TCF7L2: variants seen among roughly 807,000 people sequenced by gnomAD.
TCF7L2 encodes transcription factor 7-like 2.
In TCF7L2, 23 loss-of-function variants were observed where a neutral mutation model predicts 77.9. That is an observed-to-expected ratio of 0.30 (90% confidence interval 0.21 to 0.42). The LOEUF (loss-of-function observed/expected upper bound fraction) is 0.42, where lower values mean the gene tolerates loss of function less well. TCF7L2 is among the 10% of genes least tolerant of loss of function. The probability of loss-of-function intolerance (pLI) is 1.00; values close to 1 mark genes in which losing one functional copy is unlikely to be tolerated. For synonymous variants in TCF7L2, 413 were observed against 340.2 expected (o/e 1.21, Z -2.36); for missense variants, 654 against 793.1 (o/e 0.82, Z 2.11).
intron 4 of TCF7L2, among the ~76,000 whole-genome samples, chr10:113,026,604 C>T (rs1018215652): frequency 1.3e-5 from 2 of 152,236 alleles, no homozygotes; most frequent in Non-Finnish European, 2.9e-5. Context: ...AGTTCTTATC[C>T]TCTGCTACCA....
At chr10:112,989,392 C>CT (rs2042124654) in intron 4 of TCF7L2, among the ~76,000 whole-genome samples, 3 of 151,490 alleles carry the variant, frequency 2.0e-5, no homozygotes, top group Middle Eastern at 3.4e-3. Context: ...AGCCAAAACA[C>CT]TTTATAAAGT....
chr10:113,129,060 T>G (rs1230181256), intron 5 of TCF7L2: 2 of 153,100 alleles, frequency 1.3e-5, no homozygotes, highest in African/African-American at 4.8e-5. Flanking sequence ...GGAAGCTTCG[T>G]TTCTTCTGCT....
intron 12 of TCF7L2, 106 bp downstream of exon 14, chr10:113,160,098 G>C (rs2072891431): frequency 3.1e-6 from 3 of 972,160 alleles, no homozygotes; most frequent in Non-Finnish European, 4.7e-6. Flanking sequence ...TGGATCTCAG[G>C]AGACACAGGG....
In TCF7L2 at chr10:113,033,183, C is replaced by T. The variant is rs142444200; in HGVS notation, c.451-6842C>T. Among the ~76,000 whole-genome samples the T allele has an allele frequency of 2.5e-3, 372 of 151,448 alleles. 4 individuals carry two copies. Among genetic ancestry groups the T allele is most frequent in the African/African-American group, 8.2e-3 (339 of 41,236 alleles). On this transcript the variant is annotated intron_variant, in intron 4 of 13. Transcript: ENST00000627217. The stretch of plus-strand genomic sequence containing the variant: ...TTTTTTTCTTTTCCCTCCCTCCCTC[C>T]TTTCCTCCTCCTCCTTCCCTTCCTC...
chr10:112,992,362 T>G (rs776114726), intron 4 of TCF7L2, among the ~76,000 whole-genome samples: 41 of 152,118 alleles, frequency 2.7e-4, no homozygotes, highest in Non-Finnish European at 1.2e-4. Context: ...CTGGGAGGGA[T>G]GCATGCCCTC....
chr10:113,136,001 T>A (rs2067332787), intron 5 of TCF7L2, among the ~76,000 whole-genome samples: 1 of 152,076 alleles, frequency 6.6e-6, no homozygotes, highest in African/African-American at 2.4e-5. Context: ...CCCATCCCAG[T>A]AATGCCAGTT....
chr10:113,106,003 G>GT (rs1350906431), intron 5 of TCF7L2, among the ~76,000 whole-genome samples: 6 of 152,326 alleles, frequency 3.9e-5, no homozygotes, highest in African/African-American at 1.4e-4. Flanking sequence ...GAGATAGTAA[G>GT]AAGATAGCAG....
At chr10:113,058,195 G>A (rs1191494022) in intron 5 of TCF7L2, among the ~76,000 whole-genome samples, 1 of 152,176 alleles carries the variant, frequency 6.6e-6, no homozygotes, top group Non-Finnish European at 1.5e-5. Flanking sequence ...ACTTGTGACT[G>A]CCCAACAGGG....
chr10:113,035,874 C>T (rs911624826), intron 4 of TCF7L2, among the ~76,000 whole-genome samples: 11 of 152,086 alleles, frequency 7.2e-5, no homozygotes, highest in African/African-American at 2.4e-4. Flanking sequence ...ATGGCTGAGT[C>T]GAGTAGTTAT....
intron 4 of TCF7L2, among the ~76,000 whole-genome samples, chr10:112,968,822 G>A (rs1589804160): frequency 1.3e-5 from 2 of 152,088 alleles, no homozygotes; most frequent in East Asian, 1.9e-4. Context: ...CTCGTGATCC[G>A]GCCATTTGGC....
intron 5 of TCF7L2, chr10:113,129,310 C>T: frequency 1.0e-6 from 1 of 986,174 alleles, no homozygotes; most frequent in Non-Finnish European, 1.2e-6. Flanking sequence ...TGATCATTTT[C>T]CCTCATGGCT....
chr10:113,026,410 C>T (rs544816273), intron 4 of TCF7L2, among the ~76,000 whole-genome samples: 3 of 152,068 alleles, frequency 2.0e-5, no homozygotes, highest in East Asian at 1.9e-4. Context: ...CTGCCTGCCT[C>T]GGCCTCCCAA....
intron 4 of TCF7L2, among the ~76,000 whole-genome samples, chr10:113,027,488 TTC>T (rs939483167): frequency 6.6e-6 from 1 of 152,184 alleles, no homozygotes; most frequent in African/African-American, 2.4e-5. Context: ...ATATCCATTG[TTC>T]TCTTCTCTGC....
chr10:113,117,723 T>G (rs1383371032), intron 5 of TCF7L2, among the ~76,000 whole-genome samples: 2 of 152,062 alleles, frequency 1.3e-5, no homozygotes, highest in Non-Finnish European at 2.9e-5. Flanking sequence ...TGTTTAGACA[T>G]TTTTTGTCTT....
At chr10:112,985,489 G>C (rs2041311256) in intron 4 of TCF7L2, among the ~76,000 whole-genome samples, 1 of 151,734 alleles carries the variant, frequency 6.6e-6, no homozygotes, top group Non-Finnish European at 1.5e-5. Context: ...TTACTACAAG[G>C]ATCAGTTTCT....
intron 4 of TCF7L2, among the ~76,000 whole-genome samples, chr10:113,034,209 G>A (rs777464470): frequency 3.3e-5 from 5 of 152,164 alleles, no homozygotes; most frequent in Non-Finnish European, 5.9e-5. Flanking sequence ...CCGCTATTGG[G>A]TTGTATACTT....
chr10:113,117,402 TC>T (rs2063906110), intron 5 of TCF7L2, among the ~76,000 whole-genome samples: 6 of 54,720 alleles, frequency 1.1e-4, no homozygotes, highest in Non-Finnish European at 1.9e-4. Context: ...TCTCTCTCTC[TC>T]TCTCTCTCTC....
At position 113,061,036 on chromosome 10, in the gene TCF7L2, A is replaced by C. The variant is rs116166763; in HGVS notation, c.552+20910A>C. On this transcript the variant is annotated intron_variant, in intron 5 of 13. Coordinates refer to ENST00000627217, the MANE Select transcript of TCF7L2 (RefSeq NM_001146274.2). The stretch of plus-strand genomic sequence containing the variant: ...CTCACAGATACAAGAGGTCTTGGGA[A>C]TCCACGATCAAACTTGATGTGTGCG... Among the ~76,000 whole-genome samples, 522 of 152,270 alleles carry C rather than the reference A, an allele frequency of 3.4e-3. 1 individual carries two copies. Among genetic ancestry groups the C allele is most frequent in the African/African-American group, 0.012 (496 of 41,538 alleles).
At position 113,006,496 on chromosome 10, in the gene TCF7L2, G is replaced by T. The variant is rs1233406105; in HGVS notation, c.451-33529G>T. On this transcript the variant is annotated intron_variant, in intron 4 of 13. Transcript: ENST00000627217. ...TGAGGTATAAATTACAGCAAAGTGCGCAGACCTAGGTATCTAGGACTGTGA... is the reference window on the plus strand; with the variant it reads ...TGAGGTATAAATTACAGCAAAGTGCTCAGACCTAGGTATCTAGGACTGTGA... Among the ~76,000 whole-genome samples the T allele has an allele frequency of 3.9e-5, 6 of 152,200 alleles. No homozygotes were observed. The East Asian group carries it at 5.8e-4, about 15-fold the overall frequency.
Sources: gnomAD v4.1 joint callset for allele counts (sites outside exome capture counted in the v4.1 genomes callset) on GRCh38, gnomAD v4.1.1 for gene constraint, MANE v1.5 for transcripts, NCBI Gene and HGNC (gene_info 2026-07-23, HGNC 2026-07-21) for gene names.